Variants in DCC observed in about 807,000 individuals in gnomAD.
DCC encodes the protein DCC netrin 1 receptor.
Under a neutral mutation model 172.5 loss-of-function variants are expected in DCC, and 58 were observed. The ratio of observed to expected loss-of-function variants is 0.34; its 90% CI spans 0.27 to 0.42. The LOEUF is 0.42. Ranked by LOEUF, DCC falls within the 10% of genes least tolerant of loss-of-function variation. The probability of loss-of-function intolerance (pLI) is 1.00; values close to 1 mark genes in which losing one functional copy is unlikely to be tolerated. For synonymous variants in DCC, 709 were observed against 644.5 expected (o/e 1.10, Z -1.52); for missense variants, 1,740 against 1,791.0 (o/e 0.97, Z 0.51).
Position 53,109,118 on chromosome 18 carries a change from G to A in DCC, c.1261+42952G>A, listed in dbSNP as rs375060944. Among the ~76,000 whole-genome samples the A allele has an allele frequency of 1.5e-4, 22 of 151,404 alleles. No homozygotes were observed. The South Asian group carries it at 4.4e-3, about 30-fold the overall frequency. On this transcript the variant is annotated intron_variant, in intron 7 of 28. Transcript: ENST00000442544. ...TGGGCAGGTATAGAATCTCATTGTA[G>A]CTTTAATATGTACTTCCCTGATGAC...
At chr18:52,519,889 A>G (rs1319822915) in intron 1 of DCC, among the ~76,000 whole-genome samples, 1 of 152,214 alleles carries the variant, frequency 6.6e-6, no homozygotes, top group African/African-American at 2.4e-5. Context: ...ATAGTGGGCA[A>G]TGAAAAAGAT....
intron 1 of DCC, among the ~76,000 whole-genome samples, chr18:52,691,501 G>C (rs1474539146): frequency 6.6e-6 from 1 of 152,092 alleles, no homozygotes; most frequent in Non-Finnish European, 1.5e-5. Flanking sequence ...GTCTCCTCCA[G>C]ATTCTGGTGA....
At chr18:52,594,207 G>A (rs1172931206) in intron 1 of DCC, among the ~76,000 whole-genome samples, 1 of 152,200 alleles carries the variant, frequency 6.6e-6, no homozygotes, top group Non-Finnish European at 1.5e-5. Flanking sequence ...TGCCTTCTGG[G>A]TGCTTTAGAT....
At chr18:52,405,737 C>A (rs1324593816) in intron 1 of DCC, among the ~76,000 whole-genome samples, 1 of 151,496 alleles carries the variant, frequency 6.6e-6, no homozygotes, top group African/African-American at 2.4e-5. Context: ...GTGAAAATGG[C>A]CATACTGCCC....
At chr18:52,969,453 A>T (rs1180924237) in intron 5 of DCC, among the ~76,000 whole-genome samples, 1 of 152,136 alleles carries the variant, frequency 6.6e-6, no homozygotes, top group Non-Finnish European at 1.5e-5. Flanking sequence ...CCATTGCCTC[A>T]ATCAGCCAAC....
At chr18:52,746,804 G>A (rs972802720) in intron 1 of DCC, among the ~76,000 whole-genome samples, 3 of 151,454 alleles carry the variant, frequency 2.0e-5, no homozygotes, top group Non-Finnish European at 2.9e-5. Flanking sequence ...GATAATAAAA[G>A]TTCTCCCTTA....
In DCC at chr18:52,405,577, T is replaced by G. The variant is rs567513578; in HGVS notation, c.91+64699T>G. 3.0e-3 allele frequency among the ~76,000 whole-genome samples: 454 copies of G among 151,240 alleles called. 3 individuals carry two copies. Among genetic ancestry groups the G allele is most frequent in the African/African-American group, 0.011 (438 of 41,302 alleles). Reference sequence around the variant, plus strand: ...GAGTGAACTCCCATTCACAATTGCTTCAAAGAGAATAAAATACCTAGGAAT... The same window carrying G: ...GAGTGAACTCCCATTCACAATTGCTGCAAAGAGAATAAAATACCTAGGAAT... On this transcript the variant is annotated intron_variant, in intron 1 of 28. Transcript: ENST00000442544.
intron 7 of DCC, among the ~76,000 whole-genome samples, chr18:53,073,394 G>A (rs1419999531): frequency 4.6e-5 from 7 of 152,016 alleles, no homozygotes; most frequent in East Asian, 1.9e-4. Flanking sequence ...GCGTGGTGGC[G>A]GGTGCCTATA....
chr18:52,856,140 C>T (rs988861539), intron 2 of DCC, among the ~76,000 whole-genome samples: 6 of 152,036 alleles, frequency 3.9e-5, no homozygotes, highest in African/African-American at 1.2e-4. Context: ...AATAACACAA[C>T]TCCTTGTTTA....
At chr18:53,359,221 T>C (rs1599062725) in intron 15 of DCC, among the ~76,000 whole-genome samples, 1 of 152,140 alleles carries the variant, frequency 6.6e-6, no homozygotes. Flanking sequence ...TTGTGACCCA[T>C]GATATTCTTG....
chr18:52,600,541 G>T (rs1051445484), intron 1 of DCC, among the ~76,000 whole-genome samples: 7 of 152,028 alleles, frequency 4.6e-5, no homozygotes, highest in African/African-American at 1.4e-4. Flanking sequence ...GCCACTAAAA[G>T]CTCATTGGAT....
chr18:52,613,348 C>T (rs1028586893), intron 1 of DCC, among the ~76,000 whole-genome samples: 15 of 152,110 alleles, frequency 9.9e-5, no homozygotes, highest in Admixed American at 5.9e-4. Context: ...CTCCGCCTCC[C>T]GGGTTCACAC....
intron 1 of DCC, among the ~76,000 whole-genome samples, chr18:52,489,705 C>T (rs1484548014): frequency 6.6e-6 from 1 of 152,080 alleles, no homozygotes; most frequent in African/African-American, 2.4e-5. Context: ...GCTTCCCTCA[C>T]TCTCCCCCAG....
At chr18:52,523,978 TTAA>T (rs2031900606) in intron 1 of DCC, among the ~76,000 whole-genome samples, 1 of 152,220 alleles carries the variant, frequency 6.6e-6, no homozygotes, top group African/African-American at 2.4e-5. Context: ...CTCTTCTCAA[TTAA>T]TAATTTTTAT....
Position 53,399,761 on chromosome 18 carries a change from C to T in DCC, c.2827+2315C>T, listed in dbSNP as rs1171389345. On this transcript the variant is annotated intron_variant, in intron 18 of 28. Transcript: ENST00000442544. The stretch of plus-strand genomic sequence containing the variant: ...CTACTAAAAATACAAAAAAATTAGC[C>T]GGGCGTAGTGGCGGGCGCCTGTAGT... Among the ~76,000 whole-genome samples, 4 of 7,802 alleles carry T rather than the reference C, an allele frequency of 5.1e-4. 2 individuals carry two copies. The highest frequency in any genetic ancestry group is 5.5e-4 in the African/African-American group (4 of 7,296). The allele number at this position is 7,802 out of a possible 152,430, so 5.1% of individuals were successfully genotyped here.
At chr18:52,554,895 A>T (rs186822745) in intron 1 of DCC, among the ~76,000 whole-genome samples, 1 of 152,236 alleles carries the variant, frequency 6.6e-6, no homozygotes, top group African/African-American at 2.4e-5. Flanking sequence ...TCATGAAGAA[A>T]AGGAATTAAT....
At chr18:53,452,838 A>T (rs375121608) in intron 23 of DCC, among the ~76,000 whole-genome samples, 1 of 152,146 alleles carries the variant, frequency 6.6e-6, no homozygotes, top group Non-Finnish European at 1.5e-5. Context: ...ATATTTTCAT[A>T]GAGAAAAAGA....
chr18:52,905,949 T>A (rs912819771), intron 2 of DCC, 95 bp from the exon 3 acceptor site: 2 of 912,506 alleles, frequency 2.2e-6, no homozygotes, highest in Admixed American at 3.8e-5. Context: ...TTGTAAAATA[T>A]AATTTTCTAC....
At chr18:52,823,987 A>C (rs1431842601) in intron 2 of DCC, among the ~76,000 whole-genome samples, 1 of 152,300 alleles carries the variant, frequency 6.6e-6, no homozygotes, top group Non-Finnish European at 1.5e-5. Context: ...GCAAAACAGA[A>C]TAAGGAAACA....
Sources: allele counts gnomAD v4.1 joint callset (sites outside exome capture counted in the v4.1 genomes callset), GRCh38; gene constraint gnomAD v4.1.1; transcripts MANE v1.5; gene names NCBI Gene and HGNC (gene_info 2026-07-23, HGNC 2026-07-21).